The following GALNT14 variants were observed in gnomAD, a reference collection of about 807,000 sequenced individuals.
GALNT14 encodes polypeptide N-acetylgalactosaminyltransferase 14.
GALNT14 carries 60 observed loss-of-function variants against 77.5 expected under a neutral mutation model. The observed-to-expected ratio is 0.77, with a 90% CI of 0.63 to 0.96. The LOEUF (loss-of-function observed/expected upper bound fraction) is 0.96, where lower values mean the gene tolerates loss of function less well. Among genes scored for constraint, GALNT14 ranks in the 40% least tolerant of loss-of-function variants. GALNT14 has a pLI of 0.00. For missense variants in GALNT14, 710 were observed against 731.0 expected, an observed-to-expected ratio of 0.97 and a Z score of 0.33; for synonymous variants, 280 against 281.7, an observed-to-expected ratio of 0.99 and a Z score of 0.06.
At chr2:30,978,337 C>T (rs1049603172) in intron 2 of GALNT14, among the ~76,000 whole-genome samples, 2 of 152,186 alleles carry the variant, frequency 1.3e-5, no homozygotes, top group African/African-American at 4.8e-5. Flanking sequence ...TGCCATCTTC[C>T]TAGGTAACTA....
chr2:31,008,806 G>A (rs1374701836), intron 1 of GALNT14, among the ~76,000 whole-genome samples: 1 of 152,212 alleles, frequency 6.6e-6, no homozygotes, highest in Non-Finnish European at 1.5e-5. Context: ...TGTGATTACA[G>A]TGCAGTCGAC....
At chr2:31,066,760 A>G (rs955649421) in intron 1 of GALNT14, among the ~76,000 whole-genome samples, 5 of 140,320 alleles carry the variant, frequency 3.6e-5, no homozygotes, top group African/African-American at 1.3e-4. Flanking sequence ...AGCACCCCCC[A>G]CCCCCCACCA....
intron 3 of GALNT14, among the ~76,000 whole-genome samples, chr2:30,963,400 G>T (rs1573046660): frequency 6.6e-6 from 1 of 152,224 alleles, no homozygotes; most frequent in East Asian, 1.9e-4. Flanking sequence ...TGTTCTGCAG[G>T]CCACAAAGCT....
chr2:31,015,957 G>T (rs1331552810), intron 1 of GALNT14, among the ~76,000 whole-genome samples: 1 of 152,186 alleles, frequency 6.6e-6, no homozygotes, highest in East Asian at 1.9e-4. Context: ...GGCTGAGGGG[G>T]CATGAAATCT....
At chr2:30,927,552 G>A (rs1258966074) in intron 11 of GALNT14, among the ~76,000 whole-genome samples, 1 of 152,212 alleles carries the variant, frequency 6.6e-6, no homozygotes, top group African/African-American at 2.4e-5. Flanking sequence ...TTCATCCAGA[G>A]TACAGGTGGA....
chr2:31,064,868 T>A (rs1448666163), intron 1 of GALNT14, among the ~76,000 whole-genome samples: 13 of 151,864 alleles, frequency 8.6e-5, no homozygotes, highest in Admixed American at 8.5e-4. Flanking sequence ...GGAATAACTT[T>A]CCCATTGTCT....
chr2:30,991,787 AC>A (rs1377665139), intron 2 of GALNT14, among the ~76,000 whole-genome samples: 7 of 152,152 alleles, frequency 4.6e-5, no homozygotes, highest in African/African-American at 1.7e-4. Flanking sequence ...AAGTAGTGCA[AC>A]CTAGTTGGGG....
intron 1 of GALNT14, among the ~76,000 whole-genome samples, chr2:31,019,263 AAAT>A (rs1211000503): frequency 6.6e-6 from 1 of 152,110 alleles, no homozygotes; most frequent in African/African-American, 2.4e-5. Context: ...TTTCAACTTG[AAAT>A]AATGTCGTCT....
intron 1 of GALNT14, among the ~76,000 whole-genome samples, chr2:31,068,890 C>G (rs1471999220): frequency 6.6e-6 from 1 of 152,168 alleles, no homozygotes; most frequent in African/African-American, 2.4e-5. Flanking sequence ...ATGAAAGAGG[C>G]CAGCCGCAAG....
intron 3 of GALNT14, among the ~76,000 whole-genome samples, chr2:30,964,975 A>G (rs901497631): frequency 6.6e-6 from 1 of 151,978 alleles, no homozygotes; most frequent in Non-Finnish European, 1.5e-5. Context: ...CCCATGTTTC[A>G]TCATATTTTT....
chr2:30,934,175 C>T (rs1665915098), intron 9 of GALNT14, among the ~76,000 whole-genome samples: 1 of 152,190 alleles, frequency 6.6e-6, no homozygotes, highest in Non-Finnish European at 1.5e-5. Flanking sequence ...TCACATGAGT[C>T]ATTGAGCAAG....
the GALNT14 span, among the ~76,000 whole-genome samples, chr2:30,893,163 T>C: frequency 1.3e-5 from 2 of 151,976 alleles, no homozygotes; most frequent in Non-Finnish European, 2.9e-5. Flanking sequence ...AAACACAAAT[T>C]AGAGATTGGA....
chr2:30,941,878 C>T (rs896692376), intron 9 of GALNT14, among the ~76,000 whole-genome samples: 12 of 152,220 alleles, frequency 7.9e-5, no homozygotes, highest in African/African-American at 2.7e-4. Context: ...ACCCCTCAGA[C>T]TTGGTGCTCC....
chr2:30,908,956 G>A (rs1044071180), downstream of GALNT14, among the ~76,000 whole-genome samples: 28 of 151,720 alleles, frequency 1.8e-4, no homozygotes, highest in Middle Eastern at 0.01. Flanking sequence ...CAAGCAATGG[G>A]GAAAGGATTT....
intron 1 of GALNT14, among the ~76,000 whole-genome samples, chr2:31,105,370 A>G (rs1677503990): frequency 6.6e-6 from 1 of 152,104 alleles, no homozygotes; most frequent in Non-Finnish European, 1.5e-5. Context: ...TTTCAGGTTC[A>G]TTTTATACTT....
At chr2:30,960,610 G>A (rs1379016766) in intron 3 of GALNT14, among the ~76,000 whole-genome samples, 1 of 152,032 alleles carries the variant, frequency 6.6e-6, no homozygotes, top group Non-Finnish European at 1.5e-5. Flanking sequence ...CTTAAACATG[G>A]CCTGCAGCTG....
intron 1 of GALNT14, among the ~76,000 whole-genome samples, chr2:31,008,837 G>A (rs1054051561): frequency 5.9e-5 from 9 of 152,214 alleles, no homozygotes; most frequent in African/African-American, 1.2e-4. Context: ...GAGGAAAGGC[G>A]ACAGGGACTC....
chr2:31,009,158 TGCAGAAAGAATG>T (rs1270313665), intron 1 of GALNT14, among the ~76,000 whole-genome samples: 3 of 152,164 alleles, frequency 2.0e-5, no homozygotes, highest in African/African-American at 7.2e-5. Flanking sequence ...CCAATAGATA[TGCAGAAAGAATG>T]AAAGAAGAAC....
chr2:31,026,658 C>T (rs1188627752), intron 1 of GALNT14, among the ~76,000 whole-genome samples: 1 of 152,214 alleles, frequency 6.6e-6, no homozygotes, highest in Non-Finnish European at 1.5e-5. Context: ...CCTGCCTCTG[C>T]CACTAACATG....
Sources: allele counts gnomAD v4.1 joint callset (sites outside exome capture counted in the v4.1 genomes callset), GRCh38; gene constraint gnomAD v4.1.1; transcripts MANE v1.5; gene names NCBI Gene and HGNC (gene_info 2026-07-23, HGNC 2026-07-21).